Variants in BRF1 observed in about 807,000 individuals in gnomAD.
The protein encoded by BRF1 is BRF1 general transcription factor IIIB subunit.
BRF1 carries 59 observed loss-of-function variants against 81.7 expected under a neutral mutation model. That is an observed-to-expected ratio of 0.72 (90% confidence interval 0.59 to 0.90). BRF1 has a LOEUF of 0.90. Ranked by LOEUF, BRF1 falls within the 40% of genes least tolerant of loss-of-function variation. The pLI is 0.00. For missense variants in BRF1, 1,050 were observed against 936.3 expected, an observed-to-expected ratio of 1.12 and a Z score of -1.58; for synonymous variants, 491 against 395.6, an observed-to-expected ratio of 1.24 and a Z score of -2.86.
rs758654645 is a variant in BRF1, at chr14:105,241,419, G to A, written c.545-5C>T. The A allele has an allele frequency of 8.7e-6, 14 of 1,610,560 alleles. No individual in the cohort carries two copies. The highest frequency in any genetic ancestry group is 5.3e-5 in the African/African-American group (4 of 74,940). Reference sequence around the variant, plus strand: ...GTGGAATATACAGGCACGGGTCTGCGGCAGACACAGCACCTCAGTGCCCAC... The same window carrying A: ...GTGGAATATACAGGCACGGGTCTGCAGCAGACACAGCACCTCAGTGCCCAC... On this transcript the variant is annotated splice_region_variant and splice_polypyrimidine_tract_variant and intron_variant, in intron 5 of 17. Transcript: ENST00000547530.
chr14:105,250,288 C>T, intron 5 of BRF1: 1 of 1,613,170 alleles, frequency 6.2e-7, no homozygotes, highest in African/African-American at 1.3e-5. Flanking sequence ...GGCGCTGCGA[C>T]AGCATCCAGT....
chr14:105,289,666 C>T (rs1403551498), intron 1 of BRF1, among the ~76,000 whole-genome samples: 1 of 152,104 alleles, frequency 6.6e-6, no homozygotes, highest in Non-Finnish European at 1.5e-5. Flanking sequence ...GACGGAGTCT[C>T]GCTCTATCGC....
intron 4 of BRF1, 166 bp downstream of exon 4, chr14:105,256,352 T>G: frequency 6.4e-7 from 1 of 1,561,186 alleles, no homozygotes; most frequent in Non-Finnish European, 8.7e-7. Flanking sequence ...CCCCATGTCA[T>G]GAAGGCCCCT....
At chr14:105,221,994 C>A in intron 10 of BRF1, 80 bp from the exon 11 acceptor site, 1 of 1,479,028 alleles carries the variant, frequency 6.8e-7, no homozygotes, top group South Asian at 1.3e-5. Flanking sequence ...TGCTACCAAG[C>A]TGCCAGGTAA....
Position 105,300,802 on chromosome 14 carries a change from G to C in BRF1, c.-173C>G, listed in dbSNP as rs1341978689. 4 of 312,318 alleles carry C rather than the reference G, an allele frequency of 1.3e-5. No homozygotes were observed. The highest frequency in any genetic ancestry group is 4.5e-5 in the African/African-American group (2 of 44,606). The allele number at this position is 312,318 out of a possible 1,614,324, so 19.3% of individuals were successfully genotyped here. On this transcript the variant is annotated 5_prime_UTR_variant, in exon 1 of 18. Transcript: ENST00000547530. ...GATTCGCCGCGCGCGCCCGGGCCGC[G>C]CCGCCCGCAACGGCCGCGCCCGCGG...
intron 1 of BRF1, among the ~76,000 whole-genome samples, chr14:105,296,461 C>T (rs1334108143): frequency 5.3e-5 from 8 of 151,454 alleles, no homozygotes; most frequent in East Asian, 1.9e-4. Flanking sequence ...TACAGTGAGC[C>T]GAGATTGTGC....
At chr14:105,250,783 T>C (rs1030655326) in intron 5 of BRF1, 18 of 1,144,446 alleles carry the variant, frequency 1.6e-5, no homozygotes, top group East Asian at 7.6e-5. Context: ...CTCTTTGACA[T>C]GTAGTCAGCT....
At chr14:105,245,360 C>CAAAA (rs201030842) in intron 5 of BRF1, among the ~76,000 whole-genome samples, 7 of 149,270 alleles carry the variant, frequency 4.7e-5, no homozygotes, top group African/African-American at 1.7e-4. Context: ...GACTCCATCT[C>CAAAA]AAAAAAAATA....
At position 105,256,529 on chromosome 14, in the gene BRF1, C is replaced by T. The variant is rs777117046; in HGVS notation, c.460G>A (p.Asp154Asn). The T allele has an allele frequency of 1.9e-6, 3 of 1,613,970 alleles. No individual in the cohort carries two copies. Among genetic ancestry groups the T allele is most frequent in the African/African-American group, 2.7e-5 (2 of 74,938 alleles). Reference protein sequence around the residue: ...GTPHMLLDLSDLLQVNVYVLG... With the variant: ...GTPHMLLDLSNLLQVNVYVLG... ...CGGAGGCTGTCTACCTGGAGCAGGT[C>T]GCTGAGGTCCAGGAGCATGTCTGCA... Residue 154 changes from aspartate to asparagine, a missense_variant, in exon 4 of 18, where the codon GAC (aspartate) becomes AAC (asparagine). Asp to Asn is a conservative substitution (Grantham distance 23). Around this residue, in one of 2 missense-constraint regions of BRF1, gnomAD observed 1,043 missense variants for 915.4 expected, o/e 1.14. Transcript: ENST00000547530.
intron 16 of BRF1, chr14:105,211,875 G>C: frequency 1.7e-6 from 1 of 588,432 alleles, no homozygotes. Flanking sequence ...GCCTTGGCCC[G>C]AGCGCTGAGC....
At chr14:105,217,220 T>A (rs1891472661) in intron 15 of BRF1, 1 of 470,914 alleles carries the variant, frequency 2.1e-6, no homozygotes, top group Non-Finnish European at 3.9e-6. Context: ...GGCTGGGGAC[T>A]CTTCTTCCCG....
intron 11 of BRF1, among the ~76,000 whole-genome samples, chr14:105,221,417 C>T (rs965471349): frequency 1.3e-5 from 2 of 152,186 alleles, no homozygotes; most frequent in Admixed American, 1.3e-4. Context: ...GTGAGGGTGA[C>T]GAGACTCACT....
intron 3 of BRF1, among the ~76,000 whole-genome samples, chr14:105,265,218 GCAC>G (rs917458966): frequency 6.6e-6 from 1 of 151,852 alleles, no homozygotes; most frequent in African/African-American, 2.4e-5. Context: ...CTACAGGTGT[GCAC>G]CACCACACCT....
intron 11 of BRF1, 121 bp from the exon 12 acceptor site, chr14:105,220,251 C>T: frequency 9.5e-7 from 1 of 1,048,176 alleles, no homozygotes; most frequent in South Asian, 1.3e-5. Context: ...ACCCCGTCCC[C>T]TCCTCTGCAC....
rs371851332 is a variant in BRF1, at chr14:105,210,549, C to G, written c.*2G>C. The G allele has an allele frequency of 2.5e-6, 4 of 1,611,108 alleles. No homozygotes were observed. The highest frequency in any genetic ancestry group is 2.5e-6 in the Non-Finnish European group (3 of 1,179,920). ...GGACATCACCTGCCTGGAGGCCACACTTCAGTAGCCGTCGTCCTCATCGCC... is the reference window on the plus strand; with the variant it reads ...GGACATCACCTGCCTGGAGGCCACAGTTCAGTAGCCGTCGTCCTCATCGCC... On this transcript the variant is annotated 3_prime_UTR_variant, in exon 18 of 18. Coordinates refer to ENST00000547530, the MANE Select transcript of BRF1 (RefSeq NM_001519.4). This position sits in a 1 kb window ranked among gnomAD's most constrained non-coding sequence, Gnocchi z 4.7.
At chr14:105,296,370 G>A (rs1472583892) in intron 1 of BRF1, among the ~76,000 whole-genome samples, 3 of 151,944 alleles carry the variant, frequency 2.0e-5, no homozygotes, top group African/African-American at 4.8e-5. Flanking sequence ...AAAATTAGCC[G>A]GGCGTGGTGC....
chr14:105,249,190 C>T (rs1320975197), intron 5 of BRF1: 3 of 1,588,772 alleles, frequency 1.9e-6, no homozygotes, highest in South Asian at 1.1e-5. Flanking sequence ...AGCTCATGGC[C>T]GACGTGCACT....
chr14:105,293,861 A>C (rs1474062111), intron 1 of BRF1, among the ~76,000 whole-genome samples: 1 of 152,226 alleles, frequency 6.6e-6, no homozygotes, highest in Non-Finnish European at 1.5e-5. Flanking sequence ...AATATTCCAG[A>C]GTAAACTGCG....
At chr14:105,299,764 G>T (rs1411444791) in intron 1 of BRF1, among the ~76,000 whole-genome samples, 5 of 152,264 alleles carry the variant, frequency 3.3e-5, no homozygotes, top group Non-Finnish European at 7.3e-5. Flanking sequence ...TGCTGGTGAA[G>T]ATGTGGGGCA....
Sources: allele counts gnomAD v4.1 joint callset (sites outside exome capture counted in the v4.1 genomes callset), GRCh38; gene constraint gnomAD v4.1.1; regional missense constraint gnomAD v4.1.1; non-coding constraint Gnocchi (gnomAD v3.1); transcripts MANE v1.5; gene names NCBI Gene and HGNC (gene_info 2026-07-23, HGNC 2026-07-21).